XRCC5: variants seen among roughly 807,000 people sequenced by gnomAD.
XRCC5 encodes X-ray repair cross complementing 5, also known as DNA repair protein Ku80.
Under a neutral mutation model 95.7 loss-of-function variants are expected in XRCC5, and 12 were observed. The observed-to-expected ratio is 0.13, with a 90% CI of 0.08 to 0.20. XRCC5 has a LOEUF of 0.20. Among genes scored for constraint, XRCC5 ranks in the 10% least tolerant of loss-of-function variants. The probability of loss-of-function intolerance (pLI) is 1.00; values close to 1 mark genes in which losing one functional copy is unlikely to be tolerated. For missense variants in XRCC5, 595 were observed against 873.9 expected, an observed-to-expected ratio of 0.68 and a Z score of 4.02; for synonymous variants, 281 against 290.3, an observed-to-expected ratio of 0.97 and a Z score of 0.33.
intron 7 of XRCC5, among the ~76,000 whole-genome samples, chr2:216,126,667 A>G (rs1035556028): frequency 6.6e-6 from 1 of 152,206 alleles, no homozygotes; most frequent in African/African-American, 2.4e-5. Context: ...TTTTAGACAT[A>G]TAAAATAAAT....
intron 16 of XRCC5, among the ~76,000 whole-genome samples, chr2:216,186,334 G>A (rs1689491448): frequency 6.6e-6 from 1 of 152,208 alleles, no homozygotes; most frequent in African/African-American, 2.4e-5. Flanking sequence ...AGGACTTTGG[G>A]TGGTGTTGAA....
At chr2:216,170,320 T>C (rs1454969204) in intron 16 of XRCC5, among the ~76,000 whole-genome samples, 1 of 152,168 alleles carries the variant, frequency 6.6e-6, no homozygotes, top group Non-Finnish European at 1.5e-5. Flanking sequence ...CCCTTAAATG[T>C]GCTGAGTAAT....
chr2:216,170,873 C>CCT (rs2106033172), intron 16 of XRCC5, among the ~76,000 whole-genome samples: 1 of 152,310 alleles, frequency 6.6e-6, no homozygotes, highest in Admixed American at 6.5e-5. Context: ...CTTTCCACCT[C>CCT]CTGTTAAATT....
In XRCC5 at chr2:216,135,095, T is replaced by G. The variant is rs76046664; in HGVS notation, c.1114-1993T>G. On this transcript the variant is annotated intron_variant, in intron 10 of 20. Transcript: ENST00000392132. ...TGGCCAGGTCTTGGGGTCATAGTTT[T>G]TTTGTTTGTTTGTTTGTTTGTTTTG... Among the ~76,000 whole-genome samples the G allele has an allele frequency of 4.0e-5, 6 of 151,348 alleles. No homozygotes were observed. In the East Asian group the frequency reaches 1.2e-3, roughly 30 times the overall value.
At chr2:216,169,239 A>C (rs1057120235) in intron 16 of XRCC5, among the ~76,000 whole-genome samples, 3 of 152,254 alleles carry the variant, frequency 2.0e-5, no homozygotes, top group Non-Finnish European at 4.4e-5. Context: ...CTGATGCATG[A>C]GTATTAAACA....
chr2:216,159,214 C>T (rs929830941), intron 14 of XRCC5, among the ~76,000 whole-genome samples: 1 of 152,198 alleles, frequency 6.6e-6, no homozygotes, highest in African/African-American at 2.4e-5. Context: ...GCTGCTTTTG[C>T]CCTAGATTGC....
At chr2:216,180,209 A>G (rs553847814) in intron 16 of XRCC5, among the ~76,000 whole-genome samples, 54 of 152,330 alleles carry the variant, frequency 3.5e-4, no homozygotes, top group African/African-American at 1.3e-3. Flanking sequence ...ACGGAGAGGC[A>G]TGGGATCTAG....
chr2:216,172,496 TCTCA>T (rs1689187482), intron 16 of XRCC5, among the ~76,000 whole-genome samples: 1 of 117,152 alleles, frequency 8.5e-6, no homozygotes, highest in Admixed American at 8.6e-5. Flanking sequence ...TGAGACAAAG[TCTCA>T]CTCTGTCACC....
chr2:216,109,475 G>A lies in XRCC5; in HGVS notation c.21+18G>A. ...GGAATAAGGTATAAAGAAAGCCATG[G>A]ACTTGGGCTTTACCCGGACTGGGGA... On this transcript the variant is annotated intron_variant, in intron 1 of 20. Transcript: ENST00000392132. 1 of 1,613,874 alleles carries A rather than the reference G, an allele frequency of 6.2e-7. No individual in the cohort carries two copies. Among genetic ancestry groups the A allele is most frequent in the Non-Finnish European group, 8.5e-7 (1 of 1,179,832 alleles).
intron 16 of XRCC5, among the ~76,000 whole-genome samples, chr2:216,172,469 C>CTTTTTTTTTTTT (rs746493174): frequency 0.031 from 3,306 of 107,384 alleles, 212 homozygotes; most frequent in African/African-American, 0.053. Flanking sequence ...CTTTTCTTTT[C>CTTTTTTTTTTTT]TTTTTTTTTT....
intron 16 of XRCC5, among the ~76,000 whole-genome samples, chr2:216,187,504 G>GTGTGTA (rs2106044481): frequency 8.1e-6 from 1 of 123,332 alleles, no homozygotes; most frequent in South Asian, 2.7e-4. Context: ...GTGTGTGTGT[G>GTGTGTA]TGTGTGTGTG....
intron 12 of XRCC5, 39 bp from the exon 13 acceptor site, chr2:216,141,147 A>G: frequency 6.2e-7 from 1 of 1,610,392 alleles, no homozygotes; most frequent in Non-Finnish European, 8.5e-7. Flanking sequence ...GTGGAGAATA[A>G]TGGAAATAAT....
rs1696542524 is a variant in XRCC5, at chr2:216,109,361, T to TA, written c.-76_-75insA. Reference sequence around the variant, plus strand: ...GCGGCTCTTTCCGCTATCTGCCGCTTGTCCACCGGAAGCGAGTTGCGACAC... The same window carrying TA: ...GCGGCTCTTTCCGCTATCTGCCGCTTAGTCCACCGGAAGCGAGTTGCGACAC... On this transcript the variant is annotated 5_prime_UTR_variant, in exon 1 of 21. Coordinates refer to ENST00000392132, the MANE Select transcript of XRCC5 (RefSeq NM_021141.4). The TA allele has an allele frequency of 1.9e-6, 3 of 1,609,544 alleles. No homozygotes were observed. The highest frequency in any genetic ancestry group is 2.5e-6 in the Non-Finnish European group (3 of 1,177,778).
intron 14 of XRCC5, 33 bp downstream of exon 14, chr2:216,148,309 G>C (rs1688677329): frequency 6.3e-7 from 1 of 1,575,910 alleles, no homozygotes; most frequent in Admixed American, 1.9e-5. Context: ...TTTAACATTG[G>C]GGTACATAAG....
At chr2:216,198,532 C>CA (rs1689774282) in intron 19 of XRCC5, among the ~76,000 whole-genome samples, 1 of 138,088 alleles carries the variant, frequency 7.2e-6, no homozygotes, top group African/African-American at 2.7e-5. Flanking sequence ...ATGAAAAATG[C>CA]TTTTATTTAT....
intron 16 of XRCC5, among the ~76,000 whole-genome samples, chr2:216,177,075 G>A (rs73058500): frequency 0.025 from 3,806 of 152,178 alleles, 159 homozygotes; most frequent in African/African-American, 0.086. Context: ...GCTTCAGTCC[G>A]TCTGAATTTA....
intron 16 of XRCC5, chr2:216,175,766 T>G (rs1689260549): frequency 2.2e-6 from 1 of 450,402 alleles, no homozygotes; most frequent in African/African-American, 2.1e-5. Context: ...TGTCCACCTC[T>G]TCAACACAAG....
intron 19 of XRCC5, among the ~76,000 whole-genome samples, chr2:216,195,429 T>C (rs927630523): frequency 1.9e-4 from 28 of 147,790 alleles, no homozygotes; most frequent in East Asian, 8.2e-4. Context: ...TTCTTTCTTT[T>C]TTTTTTTTGT....
chr2:216,129,923 G>A (rs1025263806), intron 8 of XRCC5, among the ~76,000 whole-genome samples: 1 of 152,088 alleles, frequency 6.6e-6, no homozygotes, highest in African/African-American at 2.4e-5. Context: ...TGATCCACCT[G>A]CCTCGGCCTC....
Sources: allele counts gnomAD v4.1 joint callset (sites outside exome capture counted in the v4.1 genomes callset), GRCh38; gene constraint gnomAD v4.1.1; transcripts MANE v1.5; gene names NCBI Gene and HGNC (gene_info 2026-07-23, HGNC 2026-07-21).